The following TMPRSS11E variants were observed in gnomAD, a reference collection of about 807,000 sequenced individuals.
TMPRSS11E encodes transmembrane protease serine 11E.
TMPRSS11E carries 38 observed loss-of-function variants against 48.1 expected under a neutral mutation model. The observed-to-expected ratio is 0.79, with a 90% CI of 0.61 to 1.04. The LOEUF (loss-of-function observed/expected upper bound fraction) is 1.04, where lower values mean the gene tolerates loss of function less well. Ranked by LOEUF, TMPRSS11E falls within the 50% of genes least tolerant of loss-of-function variation. The pLI, the probability that TMPRSS11E is intolerant of heterozygous loss-of-function variation, is 0.00. For synonymous variants in TMPRSS11E, 158 were observed against 171.9 expected, an observed-to-expected ratio of 0.92 and a Z score of 0.63; for missense variants, 530 against 510.8, an observed-to-expected ratio of 1.04 and a Z score of -0.36.
chr4:68,448,407 A>G (rs1242462811), intron 1 of TMPRSS11E, among the ~76,000 whole-genome samples: 8 of 152,000 alleles, frequency 5.3e-5, no homozygotes, highest in African/African-American at 1.9e-4. Context: ...AGCTACGGAT[A>G]CTAAACATTT....
At chr4:68,491,449 T>G (rs1201449808) in intron 9 of TMPRSS11E, among the ~76,000 whole-genome samples, 1 of 152,114 alleles carries the variant, frequency 6.6e-6, no homozygotes, top group Non-Finnish European at 1.5e-5. Context: ...TATTTTTTTG[T>G]TTGTTTTAGC....
At chr4:68,451,828 T>G (rs1185980602) in intron 1 of TMPRSS11E, among the ~76,000 whole-genome samples, 1 of 151,772 alleles carries the variant, frequency 6.6e-6, no homozygotes, top group African/African-American at 2.4e-5. Flanking sequence ...GGGGTAATAA[T>G]AAAAGGCAGA....
At chr4:68,485,670 T>C (rs1729533112) in intron 9 of TMPRSS11E, among the ~76,000 whole-genome samples, 1 of 152,164 alleles carries the variant, frequency 6.6e-6, no homozygotes, top group Non-Finnish European at 1.5e-5. Context: ...TCATAAAATG[T>C]GTTAGGGAGG....
At chr4:68,459,718 T>G (rs1728735837) in intron 1 of TMPRSS11E, among the ~76,000 whole-genome samples, 1 of 152,246 alleles carries the variant, frequency 6.6e-6, no homozygotes, top group Admixed American at 6.5e-5. Context: ...CAATTCTATA[T>G]AACAATCATA....
intron 9 of TMPRSS11E, among the ~76,000 whole-genome samples, chr4:68,482,590 C>CAAAAAAAAAAAAAAAAAA (rs371144994): frequency 9.4e-6 from 1 of 106,086 alleles, no homozygotes; most frequent in African/African-American, 3.9e-5. Context: ...TGCATCTCCA[C>CAAAAAAAAAAAAAAAAAA]AAAAAAAAAA....
chr4:68,458,122 G>T (rs1041639533), intron 1 of TMPRSS11E, among the ~76,000 whole-genome samples: 3 of 152,054 alleles, frequency 2.0e-5, no homozygotes, highest in Non-Finnish European at 4.4e-5. Flanking sequence ...TGGTGGTATT[G>T]CTGTGAAGAG....
At chr4:68,488,048 C>G (rs545203133) in intron 9 of TMPRSS11E, among the ~76,000 whole-genome samples, 1 of 151,800 alleles carries the variant, frequency 6.6e-6, no homozygotes, top group Non-Finnish European at 1.5e-5. Context: ...CTGATATCAC[C>G]CCCTTTGTAT....
At chr4:68,472,807 A>T (rs546323078) in intron 5 of TMPRSS11E, among the ~76,000 whole-genome samples, 16 of 152,156 alleles carry the variant, frequency 1.1e-4, no homozygotes, top group African/African-American at 3.9e-4. Flanking sequence ...AAGTACAAAG[A>T]TATAACACTT....
At chr4:68,460,908 T>C (rs1728770971) in intron 1 of TMPRSS11E, among the ~76,000 whole-genome samples, 1 of 143,894 alleles carries the variant, frequency 6.9e-6, no homozygotes, top group Non-Finnish European at 1.5e-5. Context: ...TAAGACGGAG[T>C]CTCGCTCTAC....
rs373797171 is a variant in TMPRSS11E at position 68,476,308 on chromosome 4, G to A, written c.577G>A (p.Val193Ile). 8.4e-5 allele frequency: 135 copies of A among 1,614,158 alleles called. No individual in the cohort carries two copies. The highest frequency in any genetic ancestry group is 8.3e-4 in the Middle Eastern group (5 of 6,058). ...AACTCTAGGTCAGAGTCTCAGGATC[G>A]TTGGTGGGACAGAAGTAGAAGAGGG... Reference protein sequence around the residue: ...SKTLGQSLRIVGGTEVEEGEW... With the variant: ...SKTLGQSLRIIGGTEVEEGEW... The change falls in exon 7 of 10, where the codon GTT becomes ATT. Residue 193 changes from valine (V) to isoleucine (I), a missense_variant. Transcript: ENST00000305363.
intron 9 of TMPRSS11E, among the ~76,000 whole-genome samples, chr4:68,479,254 A>C (rs1044819773): frequency 2.6e-5 from 4 of 152,120 alleles, no homozygotes; most frequent in African/African-American, 9.7e-5. Flanking sequence ...AAGATGAAGA[A>C]CTATTCTATC....
intron 2 of TMPRSS11E, among the ~76,000 whole-genome samples, chr4:68,465,260 G>A (rs933082870): frequency 6.6e-6 from 1 of 152,098 alleles, no homozygotes; most frequent in African/African-American, 2.4e-5. Context: ...TCTCCTGCCT[G>A]CCATTCATCT....
Position 68,478,842 on chromosome 4 carries a change from C to G in TMPRSS11E, c.968-7C>G, listed in dbSNP as rs1272660186. 6.2e-7 allele frequency: 1 copy of G among 1,603,134 alleles called. No homozygotes were observed. The highest frequency in any genetic ancestry group is 1.1e-5 in the South Asian group (1 of 89,384). ...TCTACAAATACAAAGACTTTTTTTT[C>G]TTTTAGGTTACAGTCAAAATCATCT... On this transcript the variant is annotated splice_region_variant and splice_polypyrimidine_tract_variant and intron_variant, in intron 8 of 9. Transcript: ENST00000305363.
intron 9 of TMPRSS11E, among the ~76,000 whole-genome samples, chr4:68,493,476 G>T (rs879400911): frequency 7.2e-5 from 11 of 151,912 alleles, no homozygotes; most frequent in Non-Finnish European, 1.3e-4. Flanking sequence ...CCATTTTTTT[G>T]GGGGGGAGGG....
intron 5 of TMPRSS11E, among the ~76,000 whole-genome samples, chr4:68,472,482 A>G (rs1729101627): frequency 6.6e-6 from 1 of 152,030 alleles, no homozygotes; most frequent in Non-Finnish European, 1.5e-5. Context: ...TCTAGCGTAC[A>G]TTTTATACTG....
intron 8 of TMPRSS11E, among the ~76,000 whole-genome samples, chr4:68,478,147 A>ATTTTTTTTTTTT (rs879193345): frequency 1.1e-5 from 1 of 90,532 alleles, no homozygotes. Context: ...CTGTATCACT[A>ATTTTTTTTTTTT]TCTTTTTTTT....
intron 9 of TMPRSS11E, among the ~76,000 whole-genome samples, chr4:68,490,225 C>G (rs938323036): frequency 1.3e-5 from 2 of 152,180 alleles, no homozygotes; most frequent in Non-Finnish European, 2.9e-5. Context: ...TCAATGCCTT[C>G]TTTCTGAAAA....
chr4:68,453,991 A>G, intron 1 of TMPRSS11E, among the ~76,000 whole-genome samples: 1 of 151,934 alleles, frequency 6.6e-6, no homozygotes, highest in East Asian at 1.9e-4. Flanking sequence ...TAGAGACTCC[A>G]TTGGAAAGAA....
At chr4:68,484,395 C>T (rs1729494604) in intron 9 of TMPRSS11E, among the ~76,000 whole-genome samples, 1 of 152,144 alleles carries the variant, frequency 6.6e-6, no homozygotes, top group Non-Finnish European at 1.5e-5. Context: ...CAGCCTTGAA[C>T]TCCTGGGCTC....
Sources: gnomAD v4.1 joint callset for allele counts (sites outside exome capture counted in the v4.1 genomes callset) on GRCh38, gnomAD v4.1.1 for gene constraint, MANE v1.5 for transcripts, NCBI Gene and HGNC (gene_info 2026-07-23, HGNC 2026-07-21) for gene names.